Variants in COL14A1 observed in about 807,000 individuals in gnomAD.
COL14A1 encodes the protein collagen type XIV alpha 1 chain.
A neutral mutation model predicts 230.3 loss-of-function variants in COL14A1; 136 were observed. The observed-to-expected ratio is 0.59, with a 90% CI of 0.51 to 0.68. COL14A1 has a LOEUF of 0.68. Ranked by LOEUF, COL14A1 falls within the 30% of genes least tolerant of loss-of-function variation. The pLI is 0.00. For synonymous variants in COL14A1, 792 were observed against 784.1 expected (o/e 1.01, Z -0.17); for missense variants, 1,976 against 2,215.8 (o/e 0.89, Z 2.17).
At chr8:120,189,739 G>GTT (rs368606737) in intron 5 of COL14A1, among the ~76,000 whole-genome samples, 83 of 149,546 alleles carry the variant, frequency 5.6e-4, no homozygotes, top group Non-Finnish European at 9.2e-4. Context: ...GCGGTGTTTG[G>GTT]TTTTTTGTCC....
chr8:120,155,050 C>T (rs532343550), intron 2 of COL14A1, among the ~76,000 whole-genome samples: 22 of 152,064 alleles, frequency 1.4e-4, no homozygotes, highest in Non-Finnish European at 2.6e-4. Context: ...ATATTTTTTA[C>T]CCTAAAGGCA....
intron 1 of COL14A1, among the ~76,000 whole-genome samples, chr8:120,144,686 G>A (rs1195771960): frequency 1.3e-5 from 2 of 152,072 alleles, no homozygotes; most frequent in Non-Finnish European, 2.9e-5. Flanking sequence ...CAATGCAGTT[G>A]TCAACTTGGA....
At chr8:120,152,543 G>A (rs1815325231) in intron 2 of COL14A1, among the ~76,000 whole-genome samples, 1 of 147,888 alleles carries the variant, frequency 6.8e-6, no homozygotes, top group African/African-American at 2.5e-5. Flanking sequence ...TCCACAGAAT[G>A]TGCTTTACCA....
At chr8:120,309,269 T>C (rs1258101671) in intron 36 of COL14A1, among the ~76,000 whole-genome samples, 1 of 152,208 alleles carries the variant, frequency 6.6e-6, no homozygotes, top group Non-Finnish European at 1.5e-5. Context: ...ATTTATAGTG[T>C]ATTGATTTCT....
rs1252717508 is a variant in COL14A1, at chr8:120,262,907, C to G, written c.2909C>G (p.Thr970Ser). The G allele has an allele frequency of 6.2e-7, 1 of 1,613,454 alleles. No individual in the cohort carries two copies. The highest frequency in any genetic ancestry group is 1.7e-5 in the Admixed American group (1 of 59,936). Residue 970 changes from threonine to serine, a missense_variant, in exon 24 of 48, where the codon ACC becomes AGC. By Grantham distance (58) the Thr-to-Ser change is moderately conservative. This residue lies in a region of COL14A1 where 1,791 missense variants were observed against 2,019.5 expected (regional missense o/e 0.89). Coordinates refer to ENST00000297848, the MANE Select transcript of COL14A1 (RefSeq NM_021110.4). ...GAATCCACTGTGGGTGGAGGGACAA[C>G]CAGGCATTGCTTCTATGGACTTCAG... ...KQESTVGGGT[T>S]RHCFYGLQPD...
intron 45 of COL14A1, 138 bp from the exon 46 acceptor site, chr8:120,367,032 TC>T (rs1823425988): frequency 1.7e-6 from 1 of 588,320 alleles, no homozygotes; most frequent in Non-Finnish European, 3.0e-6. Context: ...AATTTAAAAG[TC>T]CCATGGTACT....
chr8:120,314,544 A>G (rs914133387), intron 38 of COL14A1, among the ~76,000 whole-genome samples: 6 of 152,034 alleles, frequency 3.9e-5, no homozygotes, highest in Non-Finnish European at 5.9e-5. Context: ...TGTACCATTG[A>G]AAAAAAAGTT....
chr8:120,231,803 A>C, intron 19 of COL14A1, 185 bp downstream of exon 19: 1 of 582,728 alleles, frequency 1.7e-6, no homozygotes, highest in Non-Finnish European at 2.9e-6. Flanking sequence ...TAAATCCAAA[A>C]CTTGCTCCAT....
chr8:120,302,480 C>G (rs73329069), intron 36 of COL14A1, among the ~76,000 whole-genome samples: 4,067 of 152,188 alleles, frequency 0.027, 184 homozygotes, highest in African/African-American at 0.092. Context: ...TATCCCAGTA[C>G]CATTATTGAA....
chr8:120,245,889 T>G (rs1379610448), intron 20 of COL14A1, among the ~76,000 whole-genome samples: 1 of 152,172 alleles, frequency 6.6e-6, no homozygotes, highest in African/African-American at 2.4e-5. Context: ...AAATGGAAAC[T>G]GCTAGTGTCA....
chr8:120,234,385 T>G (rs1487181739), intron 19 of COL14A1, among the ~76,000 whole-genome samples: 3 of 152,204 alleles, frequency 2.0e-5, no homozygotes, highest in Non-Finnish European at 4.4e-5. Context: ...ATCCTTGTCT[T>G]GTGCCGATTT....
chr8:120,306,060 A>G (rs375936407), intron 36 of COL14A1, among the ~76,000 whole-genome samples: 1 of 152,202 alleles, frequency 6.6e-6, no homozygotes, highest in African/African-American at 2.4e-5. Flanking sequence ...ACTCTAAAAC[A>G]TAAACTTTCC....
intron 36 of COL14A1, among the ~76,000 whole-genome samples, chr8:120,308,361 C>G (rs1412142824): frequency 6.6e-6 from 1 of 152,204 alleles, no homozygotes; most frequent in Admixed American, 6.5e-5. Flanking sequence ...GCTAAACAAA[C>G]TCTTAACATA....
intron 33 of COL14A1, among the ~76,000 whole-genome samples, chr8:120,287,061 T>A (rs956541533): frequency 1.3e-5 from 2 of 152,142 alleles, no homozygotes; most frequent in African/African-American, 2.4e-5. Flanking sequence ...ACTGCCCTTT[T>A]AAAGTGAGAG....
chr8:120,141,267 G>A (rs1814898346), intron 1 of COL14A1, among the ~76,000 whole-genome samples: 1 of 152,102 alleles, frequency 6.6e-6, no homozygotes, highest in South Asian at 2.1e-4. Flanking sequence ...TTTATGCTGG[G>A]CACAGTGGCT....
At chr8:120,289,233 T>A (rs906335942) in intron 33 of COL14A1, among the ~76,000 whole-genome samples, 4 of 152,188 alleles carry the variant, frequency 2.6e-5, no homozygotes, top group African/African-American at 9.6e-5. Flanking sequence ...TTGTTGGTGA[T>A]ACATCAACAA....
At chr8:120,335,856 A>C (rs1484564917) in intron 42 of COL14A1, among the ~76,000 whole-genome samples, 1 of 152,220 alleles carries the variant, frequency 6.6e-6, no homozygotes, top group African/African-American at 2.4e-5. Context: ...GGAGCTGCTC[A>C]CTGCTGGGGC....
intron 43 of COL14A1, among the ~76,000 whole-genome samples, chr8:120,341,737 G>T (rs1186177288): frequency 6.6e-6 from 1 of 152,170 alleles, no homozygotes; most frequent in Admixed American, 6.6e-5. Context: ...GTGACAAGTG[G>T]CAGCATGGCA....
At chr8:120,359,704 C>A (rs1823122919) in intron 45 of COL14A1, among the ~76,000 whole-genome samples, 3 of 152,222 alleles carry the variant, frequency 2.0e-5, no homozygotes, top group Non-Finnish European at 2.9e-5. Flanking sequence ...TTCTTATGTA[C>A]CAGTGAGGTC....
Sources: allele counts gnomAD v4.1 joint callset (sites outside exome capture counted in the v4.1 genomes callset), GRCh38; gene constraint gnomAD v4.1.1; regional missense constraint gnomAD v4.1.1; transcripts MANE v1.5; gene names NCBI Gene and HGNC (gene_info 2026-07-23, HGNC 2026-07-21).